IL1RL2: variants seen among roughly 807,000 people sequenced by gnomAD.
The protein encoded by IL1RL2 is interleukin 1 receptor like 2.
A neutral mutation model predicts 66.8 loss-of-function variants in IL1RL2; 68 were observed. The observed-to-expected ratio is 1.02, with a 90% CI of 0.84 to 1.25. The LOEUF (loss-of-function observed/expected upper bound fraction) is 1.25. Among genes scored for constraint, IL1RL2 ranks in the 50% most tolerant of loss-of-function variants. The pLI is 0.00. For missense variants in IL1RL2, 729 were observed against 709.3 expected (o/e 1.03, Z -0.32); for synonymous variants, 305 against 264.6 (o/e 1.15, Z -1.48).
In IL1RL2 at chr2:102,218,948, T is replaced by C. The variant is rs761939898; in HGVS notation, c.725-5T>C. The C allele has an allele frequency of 1.2e-6, 2 of 1,606,356 alleles. No homozygotes were observed. The highest frequency in any genetic ancestry group is 2.2e-5 in the East Asian group (1 of 44,752). On this transcript the variant is annotated splice_polypyrimidine_tract_variant and splice_region_variant and intron_variant, in intron 6 of 11. Transcript: ENST00000264257. ...TTGAATATTGATGATATTGGTTTTTTTTAGGTACCACTCTGATTGTGGACT... is the reference window on the plus strand; with the variant it reads ...TTGAATATTGATGATATTGGTTTTTCTTAGGTACCACTCTGATTGTGGACT...
chr2:102,211,689 C>T (rs1311540932), intron 5 of IL1RL2, among the ~76,000 whole-genome samples: 1 of 152,166 alleles, frequency 6.6e-6, no homozygotes, highest in African/African-American at 2.4e-5. Flanking sequence ...GGAACAGGAA[C>T]TGCATGAGGG....
intron 11 of IL1RL2, 52 bp from the exon 12 acceptor site, chr2:102,239,140 C>T: frequency 6.4e-7 from 1 of 1,552,846 alleles, no homozygotes; most frequent in South Asian, 1.1e-5. Context: ...CTTATCAGCC[C>T]CCATCTCCCA....
intron 9 of IL1RL2, among the ~76,000 whole-genome samples, chr2:102,229,550 G>T (rs549190862): frequency 6.6e-6 from 1 of 152,306 alleles, no homozygotes; most frequent in African/African-American, 2.4e-5. Flanking sequence ...TGTCCCACAC[G>T]GTTGATCATG....
chr2:102,217,083 T>C (rs1359818834), intron 6 of IL1RL2, among the ~76,000 whole-genome samples: 2 of 152,192 alleles, frequency 1.3e-5, no homozygotes, highest in Admixed American at 6.5e-5. Context: ...GTTTTTATGA[T>C]GGTAATTATC....
rs1203127374 is a variant in IL1RL2, at chr2:102,231,511, A to T, written c.1136-1452A>T. 4.0e-5 allele frequency among the ~76,000 whole-genome samples: 6 copies of T among 150,374 alleles called. No individual in the cohort carries two copies. The South Asian group carries it at 6.3e-4, about 16-fold the overall frequency. On this transcript the variant is annotated intron_variant, in intron 9 of 11. Transcript: ENST00000264257. ...GAGACTCCATCTAAAAATAAAATAA[A>T]AAAATAAAATAAAATAAAATAAAAT...
chr2:102,195,557 TTCTCTTTCTTTCTTTCTTTC>T lies in IL1RL2; in HGVS notation c.489+3439_489+3458del, dbSNP rs1396460122. On this transcript the variant is annotated intron_variant, in intron 4 of 11. Coordinates refer to ENST00000264257, the MANE Select transcript of IL1RL2 (RefSeq NM_003854.4). ...GCATTCCCTTATTCTATTTCTTTCTTTCTCTTTCTTTCTTTCTTTCTTTCTTTCTTTCTTTCTTTCTTTCT... is the reference window on the plus strand; with the variant it reads ...GCATTCCCTTATTCTATTTCTTTCTTTTTCTTTCTTTCTTTCTTTCTTTCT... Among the ~76,000 whole-genome samples the T allele has an allele frequency of 3.3e-3, 378 of 114,032 alleles. 26 individuals carry two copies. Among genetic ancestry groups the T allele is most frequent in the South Asian group, 7.0e-3 (24 of 3,410 alleles). The allele number at this position is 114,032 out of a possible 152,430, so 74.8% of individuals were successfully genotyped here. A position where few individuals can be genotyped will look rare whatever the true frequency, so the allele number is the denominator to read the frequency against.
intron 1 of IL1RL2, 194 bp downstream of exon 1, chr2:102,187,280 C>G: frequency 8.5e-7 from 1 of 1,175,704 alleles, no homozygotes; most frequent in African/African-American, 1.6e-5. Context: ...GTGGAGCTCG[C>G]GGCTATTTTC....
chr2:102,188,488 T>G (rs1261597284), intron 2 of IL1RL2, among the ~76,000 whole-genome samples: 2 of 146,308 alleles, frequency 1.4e-5, no homozygotes, highest in African/African-American at 5.1e-5. Flanking sequence ...CTCAAGAGGC[T>G]GAGGCAGGAG....
At chr2:102,187,970 C>T in intron 2 of IL1RL2, 45 bp downstream of exon 2, 2 of 1,579,364 alleles carry the variant, frequency 1.3e-6, no homozygotes, top group Non-Finnish European at 1.7e-6. Flanking sequence ...CCCGAGTCCA[C>T]AGGCTCCTGG....
chr2:102,237,908 C>G (rs574458323), intron 11 of IL1RL2, among the ~76,000 whole-genome samples: 53 of 152,260 alleles, frequency 3.5e-4, no homozygotes, highest in African/African-American at 6.5e-4. Flanking sequence ...CTGGGCTTGG[C>G]GCAAATATGA....
At chr2:102,212,860 T>C (rs1218371712) in intron 6 of IL1RL2, among the ~76,000 whole-genome samples, 4 of 152,058 alleles carry the variant, frequency 2.6e-5, no homozygotes, top group Admixed American at 6.5e-5. Flanking sequence ...TCCCAGCTAC[T>C]TGGGAGGCCG....
chr2:102,238,123 C>G (rs1016710499), intron 11 of IL1RL2, among the ~76,000 whole-genome samples: 2 of 152,028 alleles, frequency 1.3e-5, no homozygotes. Flanking sequence ...GAATTAGAGA[C>G]CCCCCTGGGA....
intron 4 of IL1RL2, among the ~76,000 whole-genome samples, chr2:102,196,422 A>T (rs1687788664): frequency 6.6e-6 from 1 of 152,174 alleles, no homozygotes; most frequent in Non-Finnish European, 1.5e-5. Context: ...CAGACCTGGA[A>T]TCACTCTTTG....
At chr2:102,201,469 C>T in intron 4 of IL1RL2, 87 bp from the exon 5 acceptor site, 1 of 1,237,464 alleles carries the variant, frequency 8.1e-7, no homozygotes, top group Non-Finnish European at 1.2e-6. Context: ...TGTTGTCTTC[C>T]AGTTAGACTG....
chr2:102,201,577 G>T lies in IL1RL2; in HGVS notation c.511G>T (p.Glu171Ter). ...TTAGGACTGTAACGAGATTAAAGGG[G>T]AGCGGTTCACTGTTTTGGAAACCAG... ...WYKDCNEIKG[E>*]RFTVLETRLL... Residue 171 changes from glutamate to a stop codon, truncating the protein, a stop_gained, in exon 5 of 12, where the codon GAG (glutamate) becomes TAG (stop). Transcript: ENST00000264257. LOFTEE classifies it high-confidence loss of function. 1 of 1,614,060 alleles carries T rather than the reference G, an allele frequency of 6.2e-7. No individual in the cohort carries two copies. The highest frequency in any genetic ancestry group is 1.1e-5 in the South Asian group (1 of 91,072).
chr2:102,197,738 G>A (rs1687908169), intron 4 of IL1RL2, among the ~76,000 whole-genome samples: 1 of 152,234 alleles, frequency 6.6e-6, no homozygotes. Context: ...GCATTGAAGT[G>A]TCCAGTCTCC....
chr2:102,210,429 A>G (rs2104796186), intron 5 of IL1RL2, among the ~76,000 whole-genome samples: 1 of 152,268 alleles, frequency 6.6e-6, no homozygotes, highest in Middle Eastern at 3.4e-3. Context: ...GCATGAGTTG[A>G]TTTTCATTTC....
intron 6 of IL1RL2, 46 bp from the exon 7 acceptor site, chr2:102,218,907 G>T (rs777178004): frequency 1.3e-6 from 2 of 1,559,930 alleles, no homozygotes; most frequent in East Asian, 2.3e-5. Context: ...AAATTTGAAA[G>T]TTTGTAGAAT....
chr2:102,214,504 T>C (rs1278867087), intron 6 of IL1RL2, among the ~76,000 whole-genome samples: 1 of 152,172 alleles, frequency 6.6e-6, no homozygotes, highest in Non-Finnish European at 1.5e-5. Flanking sequence ...GCCTACATGA[T>C]TAAAAATGCA....
Sources: gnomAD v4.1 joint callset for allele counts (sites outside exome capture counted in the v4.1 genomes callset) on GRCh38, gnomAD v4.1.1 for gene constraint, MANE v1.5 for transcripts, NCBI Gene and HGNC (gene_info 2026-07-23, HGNC 2026-07-21) for gene names.